MTIF2: variants seen among roughly 807,000 people sequenced by gnomAD.
The protein encoded by MTIF2 is translation initiation factor IF-2, mitochondrial.
MTIF2 carries 71 observed loss-of-function variants against 83.5 expected under a neutral mutation model. The observed-to-expected ratio is 0.85, with a 90% confidence interval of 0.70 to 1.04. The LOEUF is 1.04. Ranked by LOEUF, MTIF2 falls within the 50% of genes least tolerant of loss-of-function variation. The probability of loss-of-function intolerance (pLI) is 0.00; values close to 1 mark genes in which losing one functional copy is unlikely to be tolerated. For missense variants in MTIF2, 957 were observed against 846.5 expected (o/e 1.13, Z -1.62); for synonymous variants, 319 against 287.1 (o/e 1.11, Z -1.12).
chr2:55,246,982 C>G (rs1676746671), intron 9 of MTIF2, among the ~76,000 whole-genome samples: 1 of 152,172 alleles, frequency 6.6e-6, no homozygotes, highest in South Asian at 2.1e-4. Context: ...AAAGCACTAA[C>G]TAGAGATCTA....
chr2:55,257,692 G>T (rs1677650257), intron 5 of MTIF2, among the ~76,000 whole-genome samples: 1 of 152,156 alleles, frequency 6.6e-6, no homozygotes, highest in Admixed American at 6.6e-5. Context: ...GCAGTGTTGG[G>T]AGTCTTTTTA....
chr2:55,265,602 G>C (rs1391168624), intron 3 of MTIF2, among the ~76,000 whole-genome samples: 2 of 151,894 alleles, frequency 1.3e-5, no homozygotes, highest in East Asian at 1.9e-4. Flanking sequence ...CTTCAGTATA[G>C]ATTTTCTTTT....
At position 55,249,486 on chromosome 2, in the gene MTIF2, G is replaced by A; in HGVS notation, c.890C>T (p.Pro297Leu). The stretch of plus-strand genomic sequence containing the variant: ...CAGCAGCTCTTTTTTCACTTTCTCA[G>A]GATCAGCCTCAGCTTTGTCACATTT... ...VNKCDKAEAD[P>L]EKVKKELLAY... The change falls in exon 9 of 16, where the codon CCT becomes CTT. Residue 297 changes from proline (P) to leucine (L), a missense_variant. Physicochemically the swap from Pro to Leu is moderately conservative, Grantham distance 98. This residue lies in a region of MTIF2 where 733 missense variants were observed against 648.7 expected (regional missense o/e 1.13). Coordinates refer to ENST00000263629, the MANE Select transcript of MTIF2 (RefSeq NM_002453.3). 1 of 1,614,002 alleles carries A rather than the reference G, an allele frequency of 6.2e-7. No individual in the cohort carries two copies. The highest frequency in any genetic ancestry group is 1.1e-5 in the South Asian group (1 of 91,086).
At chr2:55,242,890 TCA>T (rs1573859743) in intron 13 of MTIF2, 48 bp downstream of exon 13, 2 of 1,563,784 alleles carry the variant, frequency 1.3e-6, no homozygotes, top group African/African-American at 1.4e-5. Context: ...AGCAGATGGT[TCA>T]GTGTTATTTG....
rs753686338 is a variant in MTIF2, at chr2:55,236,666, A to G, written c.2166T>C (p.Ser722=). ...YEEKQIQAKT[S]WDPGF ...TGTAATTTTAAAATCCTGGATCCCA[A>G]GAAGTCTTGGCTTGAATTTGCTTTT... is the stretch of plus-strand genomic sequence containing the variant. The change falls in exon 16 of 16, where the codon TCT becomes TCC. Residue 722 remains serine, a synonymous_variant. Coordinates refer to ENST00000263629, the MANE Select transcript of MTIF2 (RefSeq NM_002453.3). The G allele has an allele frequency of 1.3e-6, 2 of 1,590,622 alleles. No individual in the cohort carries two copies. Among genetic ancestry groups the G allele is most frequent in the East Asian group, 2.3e-5 (1 of 44,430 alleles).
chr2:55,268,736 G>A lies in MTIF2; in HGVS notation c.-233C>T, dbSNP rs1473134082. The A allele has an allele frequency of 6.6e-6, 1 of 152,226 alleles. No individual in the cohort carries two copies. The highest frequency in any genetic ancestry group is 1.5e-5 in the Non-Finnish European group (1 of 68,044). 9.4% of individuals were successfully genotyped at this position (152,226 alleles called of 1,614,324 possible). On this transcript the variant is annotated 5_prime_UTR_variant, in exon 2 of 16. Coordinates refer to ENST00000263629, the MANE Select transcript of MTIF2 (RefSeq NM_002453.3). Reference sequence around the variant, plus strand: ...TCGCCGCTAGGATATCCTTGTCAAGGAATCTGAAAAAAGTATGTTGCAAAT... The same window carrying A: ...TCGCCGCTAGGATATCCTTGTCAAGAAATCTGAAAAAAGTATGTTGCAAAT...
intron 6 of MTIF2, 123 bp downstream of exon 6, chr2:55,254,531 G>A (rs985532132): frequency 2.4e-5 from 19 of 807,348 alleles, no homozygotes; most frequent in African/African-American, 1.1e-4. Context: ...TAAGTACTTC[G>A]AAGTTTATAC....
At position 55,238,122 on chromosome 2, in the gene MTIF2, T is replaced by C. The variant is rs1289305298; in HGVS notation, c.1871-694A>G. The stretch of plus-strand genomic sequence containing the variant: ...GCAGTGGCATGATCATAGCTCACTG[T>C]ACCCTCAAGCTCCTGGGCTCAAGCA... On this transcript the variant is annotated intron_variant, in intron 14 of 15. Coordinates refer to ENST00000263629, the MANE Select transcript of MTIF2 (RefSeq NM_002453.3). 4.0e-5 allele frequency among the ~76,000 whole-genome samples: 6 copies of C among 151,404 alleles called. No individual in the cohort carries two copies. The East Asian group carries it at 5.9e-4, about 15-fold the overall frequency.
In MTIF2 at chr2:55,254,544, A is replaced by G. The variant is rs1206205767; in HGVS notation, c.503+110T>C. The G allele has an allele frequency of 1.5e-5, 14 of 904,810 alleles. No homozygotes were observed. The South Asian group carries it at 2.4e-4, about 16-fold the overall frequency. 56.0% of individuals were successfully genotyped at this position (904,810 alleles called of 1,614,324 possible). On this transcript the variant is annotated intron_variant, in intron 6 of 15. Coordinates refer to ENST00000263629, the MANE Select transcript of MTIF2 (RefSeq NM_002453.3). ...TTTAAGTACTTCGAAGTTTATACAC[A>G]CATATCTTTATTACAAAAGAAATTT...
At chr2:55,257,489 T>C (rs991351833) in intron 5 of MTIF2, among the ~76,000 whole-genome samples, 19 of 151,748 alleles carry the variant, frequency 1.3e-4, no homozygotes, top group Non-Finnish European at 2.7e-4. Context: ...AAGAAAAAAA[T>C]AAAAGGAAGA....
chr2:55,236,834 AT>A lies in MTIF2; in HGVS notation c.2012-15del. The A allele has an allele frequency of 1.3e-6, 2 of 1,555,024 alleles. No individual in the cohort carries two copies. The highest frequency in any genetic ancestry group is 1.7e-6 in the Non-Finnish European group (2 of 1,153,938). On this transcript the variant is annotated splice_polypyrimidine_tract_variant and intron_variant, in intron 15 of 15. Coordinates refer to ENST00000263629, the MANE Select transcript of MTIF2 (RefSeq NM_002453.3). ...AGGTTAATGAGCCTTAAAAAAGATA[AT>A]TTAAGGTTAGTATATTCAATAAATG... is the stretch of plus-strand genomic sequence containing the variant.
intron 13 of MTIF2, 39 bp from the exon 14 acceptor site, chr2:55,240,214 AT>A: frequency 6.6e-7 from 1 of 1,505,104 alleles, no homozygotes; most frequent in Admixed American, 1.8e-5. Flanking sequence ...TAGCACAACG[AT>A]TACATTATAA....
At chr2:55,246,287 C>A in intron 10 of MTIF2, 50 bp downstream of exon 10, 3 of 1,530,426 alleles carry the variant, frequency 2.0e-6, no homozygotes, top group South Asian at 2.6e-5. Flanking sequence ...ATAATCAAGT[C>A]ACGAAAACCA....
At chr2:55,252,425 C>T in intron 8 of MTIF2, 52 bp downstream of exon 8, 1 of 1,519,296 alleles carries the variant, frequency 6.6e-7, no homozygotes, top group Non-Finnish European at 9.1e-7. Context: ...ATGTAAATGG[C>T]CCCAGAACTT....
At chr2:55,252,349 C>T in intron 8 of MTIF2, 128 bp downstream of exon 8, 1 of 788,542 alleles carries the variant, frequency 1.3e-6, no homozygotes, top group East Asian at 2.6e-5. Context: ...AACAATTTAT[C>T]TTTGAGGCTT....
At chr2:55,253,798 GAGTGAGACTCTGTCTCAAAAAGAAAAA>G (rs1677294794) in intron 7 of MTIF2, among the ~76,000 whole-genome samples, 7 of 150,208 alleles carry the variant, frequency 4.7e-5, no homozygotes, top group Admixed American at 1.3e-4. Flanking sequence ...CTGGGTGACA[GAGTGAGACTCTGTCTCAAAAAGAAAAA>G]AAAAAAAAAA....
At chr2:55,258,888 G>C (rs1368412033) in intron 5 of MTIF2, among the ~76,000 whole-genome samples, 3 of 151,204 alleles carry the variant, frequency 2.0e-5, no homozygotes, top group Admixed American at 2.0e-4. Flanking sequence ...GCTGAAGCAG[G>C]AGAATTGCTT....
intron 7 of MTIF2, among the ~76,000 whole-genome samples, chr2:55,252,984 G>A (rs745736390): frequency 6.6e-6 from 1 of 152,058 alleles, no homozygotes; most frequent in African/African-American, 2.4e-5. Flanking sequence ...CCTCACATTA[G>A]CAAATCAGAG....
In MTIF2 at chr2:55,257,413, G is replaced by A. The variant is rs560438758; in HGVS notation, c.332-2588C>T. On this transcript the variant is annotated intron_variant, in intron 5 of 15. Coordinates refer to ENST00000263629, the MANE Select transcript of MTIF2 (RefSeq NM_002453.3). Reference sequence around the variant, plus strand: ...GGAGACTCTCTTGAACCCGGGAGGCGGAGGTTGCAGTGAGCTGAGACTGCG... The same window carrying A: ...GGAGACTCTCTTGAACCCGGGAGGCAGAGGTTGCAGTGAGCTGAGACTGCG... 7.2e-5 allele frequency among the ~76,000 whole-genome samples: 11 copies of A among 152,154 alleles called. No individual in the cohort carries two copies. The South Asian group carries it at 1.0e-3, about 14-fold the overall frequency.
Sources: gnomAD v4.1 joint callset for allele counts (sites outside exome capture counted in the v4.1 genomes callset) on GRCh38, gnomAD v4.1.1 for gene constraint, gnomAD v4.1.1 regional missense constraint, MANE v1.5 for transcripts, NCBI Gene and HGNC (gene_info 2026-07-23, HGNC 2026-07-21) for gene names.